CNOT1: variants seen among roughly 807,000 people sequenced by gnomAD.
CNOT1 encodes CCR4-associated factor 1.
Under a neutral mutation model 273.8 loss-of-function variants are expected in CNOT1, and 15 were observed. That is an observed-to-expected ratio of 0.05 (90% CI 0.04 to 0.08). The LOEUF (loss-of-function observed/expected upper bound fraction) is 0.08, where lower values mean the gene tolerates loss of function less well. CNOT1 is among the 10% of genes least tolerant of loss of function. The pLI is 1.00. For missense variants in CNOT1, 1,644 were observed against 2,912.2 expected (o/e 0.56, Z 10.02); for synonymous variants, 1,022 against 1,005.5 (o/e 1.02, Z -0.31).
chr16:58,615,024 T>TAAA (rs11390025), intron 1 of CNOT1, among the ~76,000 whole-genome samples: 1 of 107,222 alleles, frequency 9.3e-6, no homozygotes. Flanking sequence ...CTTTGCTATT[T>TAAA]AAAAAAAAAA....
intron 1 of CNOT1, among the ~76,000 whole-genome samples, chr16:58,611,290 G>A (rs913072983): frequency 2.6e-5 from 4 of 151,816 alleles, no homozygotes; most frequent in African/African-American, 4.8e-5. Flanking sequence ...TTAGCCGGGC[G>A]TGACAGTGTG....
intron 1 of CNOT1, among the ~76,000 whole-genome samples, chr16:58,624,947 T>TA (rs371312337): frequency 0.059 from 8,660 of 146,564 alleles, 293 homozygotes; most frequent in Middle Eastern, 0.09. Context: ...AAAGTACACT[T>TA]AAAAAAAAAA....
chr16:58,537,816 A>G, intron 38 of CNOT1, 75 bp downstream of exon 38: 1 of 1,569,026 alleles, frequency 6.4e-7, no homozygotes, highest in South Asian at 1.1e-5. Flanking sequence ...TAATGTTAGT[A>G]AGTCTGCATA....
chr16:58,556,665 T>C (rs2040643178), intron 19 of CNOT1, among the ~76,000 whole-genome samples, 182 bp downstream of exon 19: 1 of 152,248 alleles, frequency 6.6e-6, no homozygotes, highest in East Asian at 1.9e-4. Flanking sequence ...CAGCCTCTTA[T>C]TAACCACGAC....
rs2039357069 is a variant in CNOT1 at position 58,521,234 on chromosome 16, G to C, written c.7001C>G (p.Ala2334Gly). 1.2e-6 allele frequency: 2 copies of C among 1,613,920 alleles called. No homozygotes were observed. The highest frequency in any genetic ancestry group is 1.7e-6 in the Non-Finnish European group (2 of 1,180,024). Residue 2334 changes from alanine (A) to glycine (G), a missense_variant, in exon 48 of 49, where the codon GCG becomes GGG. Ala to Gly is a moderately conservative substitution (Grantham distance 60). Transcript: ENST00000317147. ...ITFIELIKNP[A>G]FKFWNHEFVH... ...AAATTCATGGTTCCAGAACTTAAAC[G>C]CTGGGTTTTTAATCAGCTCAATGAA...
intron 1 of CNOT1, among the ~76,000 whole-genome samples, chr16:58,621,801 T>A (rs1389129941): frequency 6.7e-6 from 1 of 148,158 alleles, no homozygotes; most frequent in South Asian, 2.2e-4. Context: ...GTCCCAGCTA[T>A]TCAGGAGGCT....
intron 1 of CNOT1, among the ~76,000 whole-genome samples, chr16:58,600,270 C>G (rs201227101): frequency 3.0e-5 from 1 of 32,928 alleles, no homozygotes; most frequent in African/African-American, 1.7e-4. Flanking sequence ...ATTGCTTGAA[C>G]CAGGTGAGCC....
At chr16:58,563,680 G>T (rs943458431) in intron 16 of CNOT1, among the ~76,000 whole-genome samples, 19 of 152,150 alleles carry the variant, frequency 1.2e-4, no homozygotes, top group Admixed American at 1.2e-3. Context: ...ACTTCATAGA[G>T]ATACCGTATC....
intron 16 of CNOT1, among the ~76,000 whole-genome samples, chr16:58,573,321 GAAAGAAAA>G (rs1481815731): frequency 6.7e-6 from 1 of 150,048 alleles, no homozygotes; most frequent in Non-Finnish European, 1.5e-5. Flanking sequence ...AAAAAAGAAA[GAAAGAAAA>G]AAAGAAAAAA....
intron 21 of CNOT1, among the ~76,000 whole-genome samples, chr16:58,554,072 G>A (rs1445849116): frequency 6.6e-6 from 1 of 152,040 alleles, no homozygotes; most frequent in Non-Finnish European, 1.5e-5. Context: ...CACTACCTCT[G>A]ATTTTTAAAG....
rs1290641695 is a variant in CNOT1, at chr16:58,585,456, C to T, written c.688G>A (p.Glu230Lys). Reference protein sequence around the residue: ...PVVLAPLLYPEKRDILMDRIL... With the variant: ...PVVLAPLLYPKKRDILMDRIL... ...CTGTCCATTAGAATGTCCCGTTTTT[C>T]AGGGTATAAAAGTGGTGCGAGCACC... Residue 230 changes from glutamate (E) to lysine (K), a missense_variant, in exon 8 of 49, where the codon GAA becomes AAA. By Grantham distance (56) the Glu-to-Lys change is moderately conservative. Transcript: ENST00000317147. The T allele has an allele frequency of 6.2e-7, 1 of 1,613,490 alleles. No individual in the cohort carries two copies. The highest frequency in any genetic ancestry group is 1.3e-5 in the African/African-American group (1 of 74,882).
At chr16:58,534,781 A>C (rs1188488358) in intron 39 of CNOT1, among the ~76,000 whole-genome samples, 1 of 152,218 alleles carries the variant, frequency 6.6e-6, no homozygotes, top group African/African-American at 2.4e-5. Context: ...ACTTTCTCAC[A>C]GAATTTAAGG....
rs66711143 is a variant in CNOT1, at chr16:58,601,734, T to TAAAA, written c.-174-2227_-174-2224dup. Among the ~76,000 whole-genome samples the TAAAA allele has an allele frequency of 2.5e-3, 232 of 91,476 alleles. 9 individuals are homozygous for TAAAA. The highest frequency in any genetic ancestry group is 8.3e-3 in the African/African-American group (213 of 25,630). The allele number at this position is 91,476 out of a possible 152,430, so 60.0% of individuals were successfully genotyped here. A position where few individuals can be genotyped will look rare whatever the true frequency, so the allele number is the denominator to read the frequency against. ...ATATGCTAGTGCTCCATACCCACCT[T>TAAAA]AAAAAAAAAAAAAAAAAAAAGCCTG... is the stretch of plus-strand genomic sequence containing the variant. On this transcript the variant is annotated intron_variant, in intron 1 of 48. Coordinates refer to ENST00000317147, the MANE Select transcript of CNOT1 (RefSeq NM_016284.5).
intron 1 of CNOT1, among the ~76,000 whole-genome samples, chr16:58,625,194 G>A (rs2043511377): frequency 6.6e-6 from 1 of 151,808 alleles, no homozygotes; most frequent in Non-Finnish European, 1.5e-5. Context: ...AAGACCAGAT[G>A]GCCAACATGG....
At position 58,537,026 on chromosome 16, in the gene CNOT1, C is replaced by T. The variant is rs2039950298; in HGVS notation, c.5609G>A (p.Arg1870His). The change falls in exon 39 of 49, where the codon CGC (arginine) becomes CAC (histidine). Residue 1870 changes from arginine to histidine, a missense_variant. Coordinates refer to ENST00000317147, the MANE Select transcript of CNOT1 (RefSeq NM_016284.5). ...VNLYHSAAAGRDSTKAFSAFV... is the reference protein window; with the variant it reads ...VNLYHSAAAGHDSTKAFSAFV... ...TGCAGAGAAAGCTTTGGTACTGTCG[C>T]GGCCAGCTGCTGCTGAATGGTAGAG... 6.2e-7 allele frequency: 1 copy of T among 1,614,164 alleles called. No homozygotes were observed. The highest frequency in any genetic ancestry group is 8.5e-7 in the Non-Finnish European group (1 of 1,180,032).
At chr16:58,601,734 T>TAAAAAAAAAAAAAAAAAAAAAAAAAAA (rs66711143) in intron 1 of CNOT1, among the ~76,000 whole-genome samples, 3 of 91,514 alleles carry the variant, frequency 3.3e-5, no homozygotes, top group East Asian at 2.6e-4. Flanking sequence ...ATACCCACCT[T>TAAAAAAAAAAAAAAAAAAAAAAAAAAA]AAAAAAAAAA....
chr16:58,581,575 C>A, intron 10 of CNOT1, 60 bp from the exon 11 acceptor site: 1 of 1,459,854 alleles, frequency 6.9e-7, no homozygotes, highest in Non-Finnish European at 9.0e-7. Context: ...GATACATTAT[C>A]CAAAAGGCCA....
rs200461584 is a variant in CNOT1 at position 58,522,319 on chromosome 16, T to TAA, written c.6918-1004_6918-1003dup. Among the ~76,000 whole-genome samples, 575 of 150,444 alleles carry TAA rather than the reference T, an allele frequency of 3.8e-3. 6 individuals carry two copies. Among genetic ancestry groups the TAA allele is most frequent in the East Asian group, 0.012 (64 of 5,152 alleles). ...TTGGTAAAATTTTTCCGAATGCCAG[T>TAA]AAGCATTGGCTTAACTTTATATCCT... is the stretch of plus-strand genomic sequence containing the variant. On this transcript the variant is annotated intron_variant, in intron 47 of 48. Coordinates refer to ENST00000317147, the MANE Select transcript of CNOT1 (RefSeq NM_016284.5).
At position 58,553,703 on chromosome 16, in the gene CNOT1, G is replaced by A. The variant is rs1229630864; in HGVS notation, c.2970+79C>T. ...GAAATCTTAATGCCATTACTATCAA[G>A]TCTACAAAAAAAAGCCAAAATATTA... On this transcript the variant is annotated intron_variant, in intron 22 of 48. Coordinates refer to ENST00000317147, the MANE Select transcript of CNOT1 (RefSeq NM_016284.5). 2.7e-6 allele frequency: 4 copies of A among 1,490,620 alleles called. No individual in the cohort carries two copies. In the African/African-American group the frequency reaches 5.8e-5, roughly 22 times the overall value. The allele number at this position is 1,490,620 out of a possible 1,614,324, so 92.3% of individuals were successfully genotyped here.
Sources: gnomAD v4.1 joint callset for allele counts (sites outside exome capture counted in the v4.1 genomes callset) on GRCh38, gnomAD v4.1.1 for gene constraint, MANE v1.5 for transcripts, NCBI Gene and HGNC (gene_info 2026-07-23, HGNC 2026-07-21) for gene names.